The following PTPN13 variants were observed in gnomAD, a reference collection of about 807,000 sequenced individuals.
PTPN13 encodes the protein tyrosine-protein phosphatase non-receptor type 13.
In PTPN13, 191 loss-of-function variants were observed where a neutral mutation model predicts 284.0. That is an observed-to-expected ratio of 0.67 (90% CI 0.60 to 0.76). The LOEUF (loss-of-function observed/expected upper bound fraction) is 0.76, where lower values mean the gene tolerates loss of function less well. PTPN13 is among the 30% of genes least tolerant of loss of function. PTPN13 has a pLI of 0.00. For missense variants in PTPN13, 2,797 were observed against 2,939.9 expected (o/e 0.95, Z 1.12); for synonymous variants, 986 against 1,022.3 (o/e 0.96, Z 0.68).
At chr4:86,645,262 G>A (rs931808583) in intron 2 of PTPN13, among the ~76,000 whole-genome samples, 2 of 151,684 alleles carry the variant, frequency 1.3e-5, no homozygotes, top group East Asian at 1.9e-4. Context: ...ACCTAATAAC[G>A]GGTATCTACA....
At chr4:86,610,200 A>G (rs28483710) in intron 1 of PTPN13, among the ~76,000 whole-genome samples, 38,784 of 151,910 alleles carry the variant, frequency 0.26, 5,050 homozygotes, top group East Asian at 0.31. Context: ...ACGACAGCAA[A>G]ACTCCATCTC....
intron 40 of PTPN13, among the ~76,000 whole-genome samples, chr4:86,787,517 G>C (rs1436316305): frequency 6.6e-6 from 1 of 151,738 alleles, no homozygotes; most frequent in African/African-American, 2.4e-5. Flanking sequence ...CTTTGAACCT[G>C]GCAGACGGAG....
intron 6 of PTPN13, among the ~76,000 whole-genome samples, chr4:86,694,501 C>G (rs113479315): frequency 1.4e-5 from 2 of 142,354 alleles, no homozygotes; most frequent in African/African-American, 5.3e-5. Flanking sequence ...AATCTTGAAC[C>G]GGGGAGGCAG....
intron 2 of PTPN13, among the ~76,000 whole-genome samples, chr4:86,667,002 C>T (rs1453767533): frequency 6.6e-6 from 1 of 152,148 alleles, no homozygotes; most frequent in Non-Finnish European, 1.5e-5. Context: ...CTCAATTGTA[C>T]GGGCTACTCT....
rs951883199 is a variant in PTPN13 at position 86,635,510 on chromosome 4, T to C, written c.115+139T>C. ...GAGTATGAAAGGAATACTTTCCTTATCTCTTTTAGGGCTGAAAAAGCTCAG... is the reference window on the plus strand; with the variant it reads ...GAGTATGAAAGGAATACTTTCCTTACCTCTTTTAGGGCTGAAAAAGCTCAG... On this transcript the variant is annotated intron_variant, in intron 2 of 47. Coordinates refer to ENST00000411767, the MANE Select transcript of PTPN13 (RefSeq NM_080683.3). 35 of 1,309,320 alleles carry C rather than the reference T, an allele frequency of 2.7e-5. No individual in the cohort carries two copies. The African/African-American group carries it at 3.3e-4, about 12-fold the overall frequency. The allele number at this position is 1,309,320 out of a possible 1,614,324, so 81.1% of individuals were successfully genotyped here. A position where few individuals can be genotyped will look rare whatever the true frequency, so the allele number is the denominator to read the frequency against.
chr4:86,759,212 C>T (rs1440808248), intron 23 of PTPN13, 139 bp downstream of exon 23: 5 of 855,214 alleles, frequency 5.8e-6, no homozygotes, highest in Admixed American at 3.0e-5. Flanking sequence ...TAATGTGTTC[C>T]ATCTTTCTTT....
chr4:86,773,657 A>G (rs1275289233), intron 32 of PTPN13, among the ~76,000 whole-genome samples: 4 of 152,056 alleles, frequency 2.6e-5, no homozygotes. Flanking sequence ...GATTACCCCA[A>G]AACTGTTAAC....
intron 40 of PTPN13, among the ~76,000 whole-genome samples, chr4:86,795,140 C>A (rs1420520107): frequency 6.6e-6 from 1 of 152,040 alleles, no homozygotes; most frequent in Non-Finnish European, 1.5e-5. Context: ...TGCAATCTAC[C>A]CATCTGACAA....
intron 9 of PTPN13, among the ~76,000 whole-genome samples, chr4:86,721,446 G>T (rs1421501799): frequency 6.6e-6 from 1 of 152,030 alleles, no homozygotes; most frequent in South Asian, 2.1e-4. Context: ...AATAAACCAT[G>T]AAAAAGCAAG....
intron 8 of PTPN13, 120 bp from the exon 9 acceptor site, chr4:86,716,904 A>T: frequency 1.5e-6 from 1 of 686,266 alleles, no homozygotes; most frequent in Non-Finnish European, 2.4e-6. Flanking sequence ...TTATGTCATT[A>T]ATTTTGTTCT....
At chr4:86,751,350 AGGGTCTTACTCT>A (rs1488414350) in intron 19 of PTPN13, among the ~76,000 whole-genome samples, 1 of 152,116 alleles carries the variant, frequency 6.6e-6, no homozygotes, top group Admixed American at 6.6e-5. Context: ...CCCCTCAGAC[AGGGTCTTACTCT>A]GTCACCCAGT....
At chr4:86,811,001 C>A in intron 46 of PTPN13, 45 bp from the exon 47 acceptor site, 1 of 1,549,428 alleles carries the variant, frequency 6.5e-7, no homozygotes, top group Non-Finnish European at 8.9e-7. Context: ...AGATTCAAAT[C>A]CAGTTATCCT....
intron 3 of PTPN13, among the ~76,000 whole-genome samples, chr4:86,678,675 A>G (rs747407762): frequency 1.3e-5 from 2 of 152,170 alleles, no homozygotes; most frequent in Non-Finnish European, 2.9e-5. Flanking sequence ...CTGTAAATGA[A>G]GGGACCATCA....
At chr4:86,808,980 GA>G (rs1744935524) in intron 45 of PTPN13, among the ~76,000 whole-genome samples, 1 of 152,134 alleles carries the variant, frequency 6.6e-6, no homozygotes, top group Admixed American at 6.6e-5. Flanking sequence ...GCCATGGAGG[GA>G]ATATCTGAGG....
chr4:86,633,718 T>C (rs1722715239), intron 1 of PTPN13, among the ~76,000 whole-genome samples: 1 of 152,214 alleles, frequency 6.6e-6, no homozygotes, highest in South Asian at 2.1e-4. Flanking sequence ...ATCTGATCCC[T>C]CTGTTGAAAC....
intron 1 of PTPN13, among the ~76,000 whole-genome samples, chr4:86,601,927 C>G (rs899453327): frequency 6.6e-6 from 1 of 152,106 alleles, no homozygotes; most frequent in South Asian, 2.1e-4. Flanking sequence ...ACTGGTGGTG[C>G]ATAGAGAAGA....
chr4:86,667,608 A>G (rs960573691), intron 2 of PTPN13, among the ~76,000 whole-genome samples: 1 of 152,196 alleles, frequency 6.6e-6, no homozygotes, highest in African/African-American at 2.4e-5. Flanking sequence ...TGATTTAACA[A>G]TGTATGTATT....
At chr4:86,729,156 T>C (rs1166348700) in intron 10 of PTPN13, among the ~76,000 whole-genome samples, 1 of 149,566 alleles carries the variant, frequency 6.7e-6, no homozygotes, top group Non-Finnish European at 1.5e-5. Context: ...TTTAAGAATG[T>C]TGAATATTGG....
At chr4:86,808,427 T>C (rs1442363712) in intron 45 of PTPN13, among the ~76,000 whole-genome samples, 1 of 152,250 alleles carries the variant, frequency 6.6e-6, no homozygotes, top group Non-Finnish European at 1.5e-5. Context: ...GAAGTAAAGC[T>C]GCTACTGTTT....
Sources: allele counts gnomAD v4.1 joint callset (sites outside exome capture counted in the v4.1 genomes callset), GRCh38; gene constraint gnomAD v4.1.1; transcripts MANE v1.5; gene names NCBI Gene and HGNC (gene_info 2026-07-23, HGNC 2026-07-21).